RFC1: variants seen among roughly 807,000 people sequenced by gnomAD.
The protein encoded by RFC1 is A1 140 kDa subunit.
RFC1 carries 37 observed loss-of-function variants against 137.4 expected under a neutral mutation model. The observed-to-expected ratio is 0.27, with a 90% confidence interval of 0.21 to 0.35. RFC1 has a LOEUF of 0.35. RFC1 is among the 10% of genes least tolerant of loss of function. The pLI, the probability that RFC1 is intolerant of heterozygous loss-of-function variation, is 1.00. For synonymous variants in RFC1, 429 were observed against 455.7 expected (o/e 0.94, Z 0.75); for missense variants, 1,205 against 1,358.5 (o/e 0.89, Z 1.78).
At chr4:39,351,591 C>T in intron 1 of RFC1, 115 bp from the exon 2 acceptor site, 1 of 837,774 alleles carries the variant, frequency 1.2e-6, no homozygotes, top group Non-Finnish European at 1.7e-6. Flanking sequence ...GTAATTTTTC[C>T]ATACCAAGAT....
rs1737469183 is a variant in RFC1 at position 39,288,075 on chromosome 4, T to C, written c.*686A>G. The C allele has an allele frequency of 6.6e-6, 1 of 152,252 alleles. No individual in the cohort carries two copies. Among genetic ancestry groups the C allele is most frequent in the Non-Finnish European group, 1.5e-5 (1 of 68,048 alleles). The allele number at this position is 152,252 out of a possible 1,614,324, so 9.4% of individuals were successfully genotyped here. On this transcript the variant is annotated 3_prime_UTR_variant, in exon 25 of 25. Transcript: ENST00000349703. ...CGAGTTCTGACTCCTCGACTGCCAA[T>C]GTTATGTTTCACACAACAGGTTAGT...
At chr4:39,336,498 A>C (rs1740360289) in intron 4 of RFC1, among the ~76,000 whole-genome samples, 1 of 152,240 alleles carries the variant, frequency 6.6e-6, no homozygotes, top group African/African-American at 2.4e-5. Flanking sequence ...AGGTGAAATG[A>C]ATACTAAAAA....
At position 39,320,492 on chromosome 4, in the gene RFC1, G is replaced by A. The variant is rs201558285; in HGVS notation, c.986C>T (p.Ser329Phe). Residue 329 changes from serine to phenylalanine, a missense_variant, in exon 9 of 25, where the codon TCT becomes TTT. Ser to Phe is a radical substitution (Grantham distance 155, BLOSUM62 -2). Transcript: ENST00000349703. ...LAIMKRKEES[S>F]YKEIEPVASK... ...GGCCACAGGCTCTATTTCTTTATAAGAGCTCTCTTCTTTTCTTTTCATAAT... is the reference window on the plus strand; with the variant it reads ...GGCCACAGGCTCTATTTCTTTATAAAAGCTCTCTTCTTTTCTTTTCATAAT... 2 of 1,609,920 alleles carry A rather than the reference G, an allele frequency of 1.2e-6. No homozygotes were observed. Among genetic ancestry groups the A allele is most frequent in the Non-Finnish European group, 1.7e-6 (2 of 1,179,094 alleles).
At chr4:39,304,209 G>T (rs1738517726) in intron 15 of RFC1, among the ~76,000 whole-genome samples, 1 of 152,178 alleles carries the variant, frequency 6.6e-6, no homozygotes, top group Non-Finnish European at 1.5e-5. Context: ...CTTAACTTGA[G>T]CATCTTATTT....
In RFC1 at chr4:39,311,559, A is replaced by C; in HGVS notation, c.1384-10T>G. 6.2e-7 allele frequency: 1 copy of C among 1,609,976 alleles called. No individual in the cohort carries two copies. Among genetic ancestry groups the C allele is most frequent in the Non-Finnish European group, 8.5e-7 (1 of 1,176,850 alleles). ...TCCCCAAGGCTGCGGCCTGTTGATT[A>C]AAAATGTAAACCATCAAAACTGCAT... On this transcript the variant is annotated splice_polypyrimidine_tract_variant and intron_variant, in intron 11 of 24. Transcript: ENST00000349703.
rs1350705586 is a variant in RFC1, at chr4:39,291,840, G to A, written c.2967C>T (p.Ser989=). 2 of 1,613,632 alleles carry A rather than the reference G, an allele frequency of 1.2e-6. No individual in the cohort carries two copies. Among genetic ancestry groups the A allele is most frequent in the Non-Finnish European group, 1.7e-6 (2 of 1,179,704 alleles). Reference sequence around the variant, plus strand: ...GATAATCCATGTTTACAGTCCTTTTGCTGGAGTAAGTTCTGAAACCACAAC... The same window carrying A: ...GATAATCCATGTTTACAGTCCTTTTACTGGAGTAAGTTCTGAAACCACAAC... The part of the protein sequence containing the change: ...ALHMSLRTYS[S]KRTVNMDYLS... The change falls in exon 23 of 25, where the codon AGC becomes AGT. Residue 989 remains serine (S), a synonymous_variant. Transcript: ENST00000349703.
intron 1 of RFC1, among the ~76,000 whole-genome samples, chr4:39,354,749 CAAAAA>C (rs34342477): frequency 7.8e-5 from 4 of 51,008 alleles, no homozygotes; most frequent in Non-Finnish European, 1.4e-4. Context: ...GAAACTATCT[CAAAAA>C]AAAAAAAAAA....
intron 4 of RFC1, among the ~76,000 whole-genome samples, chr4:39,333,277 A>C (rs919767550): frequency 6.6e-5 from 10 of 152,180 alleles, no homozygotes; most frequent in Non-Finnish European, 1.2e-4. Context: ...GTACTAATAA[A>C]AACACTAATT....
In RFC1 at chr4:39,289,763, T is replaced by C. The variant is rs17288806; in HGVS notation, c.3360+85A>G. The C allele has an allele frequency of 2.2e-3, 1,947 of 876,352 alleles. 17 individuals are homozygous for C. The African/African-American group carries it at 0.029, about 13-fold the overall frequency. The allele number at this position is 876,352 out of a possible 1,614,324, so 54.3% of individuals were successfully genotyped here. On this transcript the variant is annotated intron_variant, in intron 24 of 24. Coordinates refer to ENST00000349703, the MANE Select transcript of RFC1 (RefSeq NM_002913.5). The stretch of plus-strand genomic sequence containing the variant: ...AAGAAGTATTTTCAAGTTATTCTGC[T>C]ATGTGCTGAAAAGGCCCTATTATTC...
chr4:39,318,935 T>C (rs928564207), intron 9 of RFC1, among the ~76,000 whole-genome samples: 32 of 152,206 alleles, frequency 2.1e-4, no homozygotes, highest in Admixed American at 2.1e-3. Context: ...TCATTATGAA[T>C]CTAAAGTAGT....
At chr4:39,299,099 T>C (rs1738199132) in intron 21 of RFC1, among the ~76,000 whole-genome samples, 1 of 152,248 alleles carries the variant, frequency 6.6e-6, no homozygotes, top group Non-Finnish European at 1.5e-5. Context: ...AAAGGCATTC[T>C]TAAACCACAA....
chr4:39,303,516 C>T (rs1341587493), intron 15 of RFC1, among the ~76,000 whole-genome samples: 1 of 151,888 alleles, frequency 6.6e-6, no homozygotes, highest in Admixed American at 6.6e-5. Flanking sequence ...TGCAATGGCA[C>T]GATATTGGCT....
intron 7 of RFC1, 37 bp downstream of exon 7, chr4:39,323,303 G>T (rs745935857): frequency 1.3e-5 from 20 of 1,556,334 alleles, no homozygotes; most frequent in Non-Finnish European, 1.8e-5. Flanking sequence ...GATCTGTACT[G>T]TATATTCAGA....
chr4:39,351,228 G>A, intron 2 of RFC1, 120 bp downstream of exon 2: 1 of 584,190 alleles, frequency 1.7e-6, no homozygotes, highest in Non-Finnish European at 2.3e-6. Context: ...TACAGCCTGG[G>A]CGACAGAGCA....
intron 8 of RFC1, 124 bp downstream of exon 8, chr4:39,321,163 A>C: frequency 8.0e-6 from 6 of 745,982 alleles, no homozygotes; most frequent in Non-Finnish European, 1.3e-5. Flanking sequence ...ATGCTCTAAT[A>C]GTCCTGTGAA....
In RFC1 at chr4:39,300,283, T is replaced by A; in HGVS notation, c.2667A>T (p.Ile889=). Residue 889 remains isoleucine (I), a synonymous_variant, in exon 20 of 25, where the codon ATA becomes ATT. Transcript: ENST00000349703. ...ACCCTGCTGCTACAGGCTTCACGTG[T>A]ATGTAATTTTCCTGGACGAAGAGGG... ...IAPLFVQENY[I]HVKPVAAGGD... 6.2e-7 allele frequency: 1 copy of A among 1,614,126 alleles called. No homozygotes were observed. Among genetic ancestry groups the A allele is most frequent in the Non-Finnish European group, 8.5e-7 (1 of 1,180,012 alleles).
intron 1 of RFC1, among the ~76,000 whole-genome samples, chr4:39,358,259 C>A (rs1480645193): frequency 1.3e-5 from 2 of 151,738 alleles, no homozygotes; most frequent in African/African-American, 4.8e-5. Flanking sequence ...TGGCCAAGAG[C>A]AAAATTCCGT....
intron 1 of RFC1, among the ~76,000 whole-genome samples, chr4:39,354,594 A>G (rs891945032): frequency 2.0e-5 from 3 of 152,074 alleles, no homozygotes; most frequent in Admixed American, 6.6e-5. Context: ...AGATTTTACT[A>G]CACAAAAAGT....
intron 6 of RFC1, among the ~76,000 whole-genome samples, chr4:39,325,368 T>C (rs2109680980): frequency 6.6e-6 from 1 of 152,320 alleles, no homozygotes; most frequent in Non-Finnish European, 1.5e-5. Flanking sequence ...ATTCACCCAG[T>C]TGTTAAGGCC....
Sources: gnomAD v4.1 joint callset for allele counts (sites outside exome capture counted in the v4.1 genomes callset) on GRCh38, gnomAD v4.1.1 for gene constraint, MANE v1.5 for transcripts, NCBI Gene and HGNC (gene_info 2026-07-23, HGNC 2026-07-21) for gene names.